The following CARMIL1 variants were observed in gnomAD, a reference collection of about 807,000 sequenced individuals.
The protein encoded by CARMIL1 is F-actin-uncapping protein LRRC16A.
CARMIL1 carries 90 observed loss-of-function variants against 177.1 expected under a neutral mutation model. The observed-to-expected ratio is 0.51, with a 90% CI of 0.43 to 0.61. CARMIL1 has a LOEUF of 0.61. CARMIL1 is among the 20% of genes least tolerant of loss of function. The pLI, the probability that CARMIL1 is intolerant of heterozygous loss-of-function variation, is 0.00. For missense variants in CARMIL1, 1,380 were observed against 1,667.0 expected, an observed-to-expected ratio of 0.83 and a Z score of 3.00; for synonymous variants, 577 against 606.2, an observed-to-expected ratio of 0.95 and a Z score of 0.71.
intron 2 of CARMIL1, among the ~76,000 whole-genome samples, chr6:25,320,036 G>A (rs997384263): frequency 6.6e-5 from 10 of 152,208 alleles, no homozygotes; most frequent in African/African-American, 2.4e-4. Context: ...AGAACTAGTC[G>A]ATGAACATGG....
intron 2 of CARMIL1, among the ~76,000 whole-genome samples, chr6:25,361,106 G>T (rs1789149693): frequency 6.6e-6 from 1 of 152,166 alleles, no homozygotes; most frequent in South Asian, 2.1e-4. Context: ...TTCATTTTCA[G>T]ATCTTTATGT....
chr6:25,542,237 G>A (rs368341573), intron 26 of CARMIL1, among the ~76,000 whole-genome samples: 22 of 152,248 alleles, frequency 1.4e-4, no homozygotes, highest in East Asian at 1.2e-3. Context: ...TTTGGTGTTC[G>A]TTTCCTTCTC....
chr6:25,429,917 C>T (rs1796596944), intron 4 of CARMIL1, among the ~76,000 whole-genome samples: 1 of 151,754 alleles, frequency 6.6e-6, no homozygotes, highest in Non-Finnish European at 1.5e-5. Context: ...ACAATCTTGG[C>T]TCATTGCAAC....
chr6:25,569,482 A>G (rs72839082), intron 29 of CARMIL1, among the ~76,000 whole-genome samples: 22,880 of 152,204 alleles, frequency 0.15, 1,833 homozygotes, highest in Middle Eastern at 0.21. Flanking sequence ...CCACAGCTCT[A>G]TAACTAGGAT....
In CARMIL1 at chr6:25,600,104, T is replaced by C. The variant is rs568080610; in HGVS notation, c.3120-210T>C. Among the ~76,000 whole-genome samples, 4 of 152,328 alleles carry C rather than the reference T, an allele frequency of 2.6e-5. No individual in the cohort carries two copies. The South Asian group carries it at 8.3e-4, about 32-fold the overall frequency. Reference sequence around the variant, plus strand: ...ACATTTTCATCTTTCATTCTTAATGTGTGCGTGCCTCGATTTTCTCACGTG... The same window carrying C: ...ACATTTTCATCTTTCATTCTTAATGCGTGCGTGCCTCGATTTTCTCACGTG... On this transcript the variant is annotated intron_variant, in intron 32 of 36. Coordinates refer to ENST00000329474, the MANE Select transcript of CARMIL1 (RefSeq NM_017640.6).
At position 25,420,067 on chromosome 6, in the gene CARMIL1, C is replaced by G. The variant is rs139864423; in HGVS notation, c.139-47C>G. On this transcript the variant is annotated intron_variant, in intron 2 of 36. Coordinates refer to ENST00000329474, the MANE Select transcript of CARMIL1 (RefSeq NM_017640.6). ...CCGTGGAAACACCAAAGCCCACTGG[C>G]CCCACTTTTTGGTGCTTATACTGAT... The G allele has an allele frequency of 6.3e-5, 93 of 1,486,810 alleles. No individual in the cohort carries two copies. The African/African-American group carries it at 1.2e-3, about 19-fold the overall frequency. 92.1% of individuals were successfully genotyped at this position (1,486,810 alleles called of 1,614,324 possible).
chr6:25,506,740 AT>A (rs1353690871), intron 17 of CARMIL1, among the ~76,000 whole-genome samples: 2 of 152,224 alleles, frequency 1.3e-5, no homozygotes, highest in African/African-American at 2.4e-5. Flanking sequence ...ATAAAAATTA[AT>A]TTAAAAAAAA....
At chr6:25,592,796 A>G (rs1814447215) in intron 31 of CARMIL1, among the ~76,000 whole-genome samples, 1 of 152,234 alleles carries the variant, frequency 6.6e-6, no homozygotes, top group African/African-American at 2.4e-5. Context: ...CTATGGCAAG[A>G]CATCTAGACC....
In CARMIL1 at chr6:25,619,805, T is replaced by G. The variant is rs192279393; in HGVS notation, c.*222T>G. ...TTCTTGGTAATCAAAGCACATTTGT[T>G]TGGTCTTCCTCCAACCCTTTGCATT... On this transcript the variant is annotated 3_prime_UTR_variant, in exon 37 of 37. Transcript: ENST00000329474. The G allele has an allele frequency of 3.3e-4, 111 of 333,418 alleles. 1 individual carries two copies. Among genetic ancestry groups the G allele is most frequent in the African/African-American group, 2.3e-3 (105 of 45,036 alleles). 20.7% of individuals were successfully genotyped at this position (333,418 alleles called of 1,614,324 possible).
At chr6:25,355,514 G>C (rs1788505687) in intron 2 of CARMIL1, among the ~76,000 whole-genome samples, 1 of 152,126 alleles carries the variant, frequency 6.6e-6, no homozygotes, top group African/African-American at 2.4e-5. Flanking sequence ...GTGTGGTGGT[G>C]TGCACCTGCT....
rs773436108 is a variant in CARMIL1 at position 25,540,052 on chromosome 6, A to G, written c.2302A>G (p.Thr768Ala). The G allele has an allele frequency of 5.6e-6, 9 of 1,608,950 alleles. No homozygotes were observed. The highest frequency in any genetic ancestry group is 1.3e-5 in the African/African-American group (1 of 74,662). ...CCTGGAATCAATGGCTGGAGAAGTT[A>G]CAAGAGTAGTAGATGAACAACTAAA... ...ETLESMAGEVTRVVDEQLKAL... is the reference protein window; with the variant it reads ...ETLESMAGEVARVVDEQLKAL... The change falls in exon 26 of 37, where the codon ACA becomes GCA. Residue 768 changes from threonine (T) to alanine (A), a missense_variant. Physicochemically the swap from Thr to Ala is moderately conservative, Grantham distance 58. Transcript: ENST00000329474.
intron 11 of CARMIL1, among the ~76,000 whole-genome samples, chr6:25,480,852 T>C (rs1485184410): frequency 6.7e-6 from 1 of 150,348 alleles, no homozygotes; most frequent in African/African-American, 2.4e-5. Flanking sequence ...TCCGGAGTAG[T>C]TGGAACTACC....
chr6:25,440,140 A>G (rs1797606779), intron 5 of CARMIL1, among the ~76,000 whole-genome samples: 1 of 152,190 alleles, frequency 6.6e-6, no homozygotes, highest in South Asian at 2.1e-4. Context: ...TTGTTGGGTG[A>G]TGTACCATGG....
intron 10 of CARMIL1, 121 bp from the exon 11 acceptor site, chr6:25,472,302 CTATA>C (rs1801159151): frequency 9.2e-6 from 6 of 652,514 alleles, no homozygotes; most frequent in Middle Eastern, 3.0e-4. Context: ...GAAATATATG[CTATA>C]TAGACTAATA....
chr6:25,499,100 G>A (rs1804045953), intron 16 of CARMIL1, among the ~76,000 whole-genome samples: 1 of 152,170 alleles, frequency 6.6e-6, no homozygotes, highest in Non-Finnish European at 1.5e-5. Flanking sequence ...TAAAGCCAGA[G>A]AATCACTAGA....
chr6:25,285,406 A>G (rs1228520912), intron 2 of CARMIL1, among the ~76,000 whole-genome samples: 1 of 152,180 alleles, frequency 6.6e-6, no homozygotes. Flanking sequence ...CTTTGGAGGG[A>G]AACTCCTGCT....
At chr6:25,461,263 G>A (rs1800091906) in intron 8 of CARMIL1, among the ~76,000 whole-genome samples, 2 of 152,152 alleles carry the variant, frequency 1.3e-5, no homozygotes, top group African/African-American at 2.4e-5. Context: ...ATTTCTGTTC[G>A]AAAGTTTTCT....
chr6:25,311,074 C>T (rs1021642803), intron 2 of CARMIL1, among the ~76,000 whole-genome samples: 4 of 151,678 alleles, frequency 2.6e-5, no homozygotes, highest in East Asian at 3.9e-4. Flanking sequence ...ACCAGCCACT[C>T]GGGAGGCTGA....
intron 2 of CARMIL1, among the ~76,000 whole-genome samples, chr6:25,360,015 G>T (rs1581681174): frequency 6.6e-6 from 1 of 152,298 alleles, no homozygotes; most frequent in East Asian, 1.9e-4. Context: ...CTGCAGTTTG[G>T]CAGGCCTGTC....
Sources: gnomAD v4.1 joint callset for allele counts (sites outside exome capture counted in the v4.1 genomes callset) on GRCh38, gnomAD v4.1.1 for gene constraint, MANE v1.5 for transcripts, NCBI Gene and HGNC (gene_info 2026-07-23, HGNC 2026-07-21) for gene names.